Variants in SLC41A2 observed in about 807,000 individuals in gnomAD.
The protein encoded by SLC41A2 is SLC41A1-like 1.
In SLC41A2, 32 loss-of-function variants were observed where a neutral mutation model predicts 58.3. The ratio of observed to expected loss-of-function variants is 0.55; its 90% CI spans 0.41 to 0.74. The LOEUF (loss-of-function observed/expected upper bound fraction) is 0.74, where lower values mean the gene tolerates loss of function less well. Ranked by LOEUF, SLC41A2 falls within the 30% of genes least tolerant of loss-of-function variation. The pLI is 0.00. For synonymous variants in SLC41A2, 190 were observed against 235.0 expected, an observed-to-expected ratio of 0.81 and a Z score of 1.75; for missense variants, 514 against 680.6, an observed-to-expected ratio of 0.76 and a Z score of 2.72.
At chr12:104,872,352 T>C (rs1429645357) in intron 6 of SLC41A2, among the ~76,000 whole-genome samples, 1 of 152,142 alleles carries the variant, frequency 6.6e-6, no homozygotes, top group African/African-American at 2.4e-5. Context: ...TTCACTCTTT[T>C]TTGGAGGAGT....
At chr12:104,940,004 G>A (rs2047436799) in intron 1 of SLC41A2, among the ~76,000 whole-genome samples, 1 of 151,658 alleles carries the variant, frequency 6.6e-6, no homozygotes, top group Admixed American at 6.6e-5. Flanking sequence ...CTACGTTTCT[G>A]TTTCCTATTA....
intron 8 of SLC41A2, among the ~76,000 whole-genome samples, chr12:104,852,957 A>T (rs2042856454): frequency 6.6e-6 from 1 of 152,186 alleles, no homozygotes; most frequent in Non-Finnish European, 1.5e-5. Flanking sequence ...GCACTATTAA[A>T]GCCAGTGGAG....
chr12:104,843,266 T>C (rs1025671961), intron 10 of SLC41A2, among the ~76,000 whole-genome samples: 1 of 151,882 alleles, frequency 6.6e-6, no homozygotes, highest in Non-Finnish European at 1.5e-5. Context: ...CTGAACTTAT[T>C]CCTCCTGGGA....
At chr12:104,847,189 T>C (rs1489129408) in intron 8 of SLC41A2, among the ~76,000 whole-genome samples, 1 of 151,880 alleles carries the variant, frequency 6.6e-6, no homozygotes, top group Non-Finnish European at 1.5e-5. Context: ...GGAAAAGATA[T>C]ATCATGCAAA....
At chr12:104,913,587 A>G (rs939378352) in intron 2 of SLC41A2, among the ~76,000 whole-genome samples, 13 of 152,196 alleles carry the variant, frequency 8.5e-5, no homozygotes, top group African/African-American at 3.1e-4. Context: ...CTTATAGCAT[A>G]TTAAATACGT....
chr12:104,936,483 G>A (rs548756960), intron 1 of SLC41A2, among the ~76,000 whole-genome samples: 1 of 152,270 alleles, frequency 6.6e-6, no homozygotes, highest in African/African-American at 2.4e-5. Flanking sequence ...AGGTTTAGTT[G>A]GACTCATGTG....
At chr12:104,810,082 G>C (rs1009865533) in intron 10 of SLC41A2, among the ~76,000 whole-genome samples, 1 of 152,160 alleles carries the variant, frequency 6.6e-6, no homozygotes, top group Non-Finnish European at 1.5e-5. Context: ...AGGAGGGTAG[G>C]AGATGTGAAC....
At chr12:104,887,331 A>G (rs1442605588) in intron 5 of SLC41A2, among the ~76,000 whole-genome samples, 3 of 151,968 alleles carry the variant, frequency 2.0e-5, no homozygotes, top group Non-Finnish European at 4.4e-5. Flanking sequence ...CTCACTTTAT[A>G]GATAATAAAA....
intron 6 of SLC41A2, among the ~76,000 whole-genome samples, chr12:104,872,200 A>G (rs898195827): frequency 1.3e-5 from 2 of 152,202 alleles, no homozygotes; most frequent in African/African-American, 4.8e-5. Context: ...GAAGCTTAAG[A>G]AGGTAAGTTT....
chr12:104,864,639 T>C (rs2043347007), intron 7 of SLC41A2, among the ~76,000 whole-genome samples: 2 of 152,296 alleles, frequency 1.3e-5, no homozygotes, highest in East Asian at 3.9e-4. Flanking sequence ...CTCCTTATCA[T>C]TCACCTCCTA....
At chr12:104,923,638 T>C (rs1168897130) in intron 2 of SLC41A2, among the ~76,000 whole-genome samples, 1 of 152,060 alleles carries the variant, frequency 6.6e-6, no homozygotes, top group Admixed American at 6.5e-5. Flanking sequence ...AAAGGATTCA[T>C]AACAACTGAG....
At chr12:104,891,593 C>T (rs2044974766) in intron 4 of SLC41A2, among the ~76,000 whole-genome samples, 1 of 150,896 alleles carries the variant, frequency 6.6e-6, no homozygotes, top group South Asian at 2.1e-4. Flanking sequence ...CAATTTCAAG[C>T]TGAAAAAGAT....
At chr12:104,903,848 A>G (rs1200523663) in intron 3 of SLC41A2, among the ~76,000 whole-genome samples, 2 of 152,230 alleles carry the variant, frequency 1.3e-5, no homozygotes, top group Non-Finnish European at 2.9e-5. Context: ...ACCCTGCAGC[A>G]GAGTAGAGAC....
At chr12:104,864,307 G>A (rs931489939) in intron 7 of SLC41A2, among the ~76,000 whole-genome samples, 1 of 152,114 alleles carries the variant, frequency 6.6e-6, no homozygotes, top group African/African-American at 2.4e-5. Context: ...AATTCCATGA[G>A]ATCCTGCCTG....
chr12:104,874,518 G>C (rs1221604075), intron 6 of SLC41A2, among the ~76,000 whole-genome samples: 1 of 152,172 alleles, frequency 6.6e-6, no homozygotes, highest in African/African-American at 2.4e-5. Flanking sequence ...AGTTGTGTAA[G>C]ATAACTATCT....
intron 1 of SLC41A2, among the ~76,000 whole-genome samples, chr12:104,957,645 T>G (rs2048217371): frequency 6.6e-6 from 1 of 152,238 alleles, no homozygotes; most frequent in Non-Finnish European, 1.5e-5. Flanking sequence ...GCTTTTAAAT[T>G]TGAGATATGC....
chr12:104,839,466 A>G (rs937358638), intron 10 of SLC41A2, among the ~76,000 whole-genome samples: 7 of 151,620 alleles, frequency 4.6e-5, no homozygotes, highest in African/African-American at 1.7e-4. Flanking sequence ...TCACCCATCT[A>G]ATTATAGTCT....
intron 10 of SLC41A2, among the ~76,000 whole-genome samples, chr12:104,806,239 G>A (rs9737969): frequency 0.012 from 1,662 of 141,478 alleles, 38 homozygotes; most frequent in African/African-American, 0.04. Flanking sequence ...AACAGGCCCC[G>A]GTGTGTGATG....
intron 10 of SLC41A2, among the ~76,000 whole-genome samples, chr12:104,808,437 A>C (rs1217657464): frequency 1.3e-5 from 2 of 152,174 alleles, no homozygotes; most frequent in East Asian, 1.9e-4. Context: ...ATGGTGGATA[A>C]GCTTTTTGAT....
Sources: allele counts gnomAD v4.1 joint callset (sites outside exome capture counted in the v4.1 genomes callset), GRCh38; gene constraint gnomAD v4.1.1; transcripts MANE v1.5; gene names NCBI Gene and HGNC (gene_info 2026-07-23, HGNC 2026-07-21).